The following QTMAN variants were observed in gnomAD, a reference collection of about 807,000 sequenced individuals.
The protein encoded by QTMAN is tRNA-queuosine alpha-mannosyltransferase.
the QTMAN span, among the ~76,000 whole-genome samples, chr2:144,101,895 T>C: frequency 6.6e-6 from 1 of 152,124 alleles, no homozygotes; most frequent in Non-Finnish European, 1.5e-5. Context: ...TTCTAGGACA[T>C]TTGCTTCAGG....
At chr2:144,079,864 G>A in the QTMAN span, among the ~76,000 whole-genome samples, 1 of 151,942 alleles carries the variant, frequency 6.6e-6, no homozygotes, top group African/African-American at 2.4e-5. Context: ...CTAATTTTTA[G>A]GTACATTAAC....
the QTMAN span, among the ~76,000 whole-genome samples, chr2:144,320,097 A>G: frequency 3.9e-5 from 6 of 152,048 alleles, no homozygotes; most frequent in African/African-American, 1.4e-4. Flanking sequence ...AAGAAGACTA[A>G]TATTTTGTGA....
chr2:144,246,101 G>T, the QTMAN span, among the ~76,000 whole-genome samples: 1 of 152,072 alleles, frequency 6.6e-6, no homozygotes, highest in Non-Finnish European at 1.5e-5. Context: ...TCTAATGGGG[G>T]AGACAGGCAT....
the QTMAN span, among the ~76,000 whole-genome samples, chr2:143,981,832 A>G: frequency 1.3e-5 from 2 of 151,690 alleles, no homozygotes; most frequent in African/African-American, 4.8e-5. Context: ...TTGTTGCTAC[A>G]TATGTTGTAT....
the QTMAN span, among the ~76,000 whole-genome samples, chr2:144,111,720 C>G: frequency 6.6e-6 from 1 of 152,214 alleles, no homozygotes; most frequent in East Asian, 1.9e-4. Flanking sequence ...TCTCTCCTGA[C>G]TCTCTTCCAA....
At chr2:144,011,596 A>G in the QTMAN span, 1 of 973,108 alleles carries the variant, frequency 1.0e-6, no homozygotes, top group Admixed American at 6.2e-5. Context: ...ACTATTTATA[A>G]TGTACAGTTA....
At chr2:144,170,603 GCTAT>G in the QTMAN span, among the ~76,000 whole-genome samples, 1 of 152,026 alleles carries the variant, frequency 6.6e-6, no homozygotes, top group Non-Finnish European at 1.5e-5. Flanking sequence ...AAATAAATGG[GCTAT>G]CTGACAGGAA....
At chr2:144,048,819 T>C in the QTMAN span, among the ~76,000 whole-genome samples, 1 of 148,330 alleles carries the variant, frequency 6.7e-6, no homozygotes, top group Non-Finnish European at 1.5e-5. Flanking sequence ...CACACATGCA[T>C]ACACACACAC....
the QTMAN span, among the ~76,000 whole-genome samples, chr2:144,113,513 CAGA>C: frequency 1.3e-5 from 2 of 151,932 alleles, no homozygotes; most frequent in African/African-American, 4.8e-5. Flanking sequence ...CCCAGAAGAA[CAGA>C]AGAAGGTGAT....
chr2:144,288,504 A>T, the QTMAN span, among the ~76,000 whole-genome samples: 12 of 152,222 alleles, frequency 7.9e-5, no homozygotes, highest in African/African-American at 2.9e-4. Context: ...TGAAAACACT[A>T]AAAACGTTAA....
chr2:144,057,309 C>T, the QTMAN span, among the ~76,000 whole-genome samples: 1 of 152,178 alleles, frequency 6.6e-6, no homozygotes, highest in Admixed American at 6.5e-5. Context: ...TCCATTTATT[C>T]ATCCATTATA....
chr2:144,295,261 G>A, the QTMAN span: 8 of 152,164 alleles, frequency 5.3e-5, no homozygotes, highest in Non-Finnish European at 1.2e-4. Flanking sequence ...CTTCCTAAGG[G>A]AAGCCTTTCC....
the QTMAN span, among the ~76,000 whole-genome samples, chr2:144,169,855 AAAAGT>A: frequency 6.6e-6 from 1 of 152,040 alleles, no homozygotes; most frequent in African/African-American, 2.4e-5. Context: ...TCCTTCTTAT[AAAAGT>A]AATGTATTTT....
chr2:144,044,653 T>C, the QTMAN span, among the ~76,000 whole-genome samples: 2 of 152,204 alleles, frequency 1.3e-5, no homozygotes, highest in Admixed American at 1.3e-4. Context: ...TCTAAGTATG[T>C]AAAGTAATTC....
At chr2:144,303,703 A>C in the QTMAN span, among the ~76,000 whole-genome samples, 3 of 152,252 alleles carry the variant, frequency 2.0e-5, no homozygotes, top group African/African-American at 7.2e-5. Context: ...GCTTTGATTA[A>C]CTAGCACCAG....
the QTMAN span, among the ~76,000 whole-genome samples, chr2:144,104,036 G>A: frequency 6.6e-6 from 1 of 152,182 alleles, no homozygotes; most frequent in Non-Finnish European, 1.5e-5. Flanking sequence ...GTTGCAGTGA[G>A]CCAAGACAGC....
At chr2:144,170,303 T>C in the QTMAN span, among the ~76,000 whole-genome samples, 1 of 152,174 alleles carries the variant, frequency 6.6e-6, no homozygotes, top group African/African-American at 2.4e-5. Context: ...CCTGCCACAG[T>C]GTCCTGGATG....
At chr2:144,084,014 A>C in the QTMAN span, among the ~76,000 whole-genome samples, 1 of 152,200 alleles carries the variant, frequency 6.6e-6, no homozygotes, top group Admixed American at 6.5e-5. Flanking sequence ...GTGAAGAGAA[A>C]TATTTCTCAA....
the QTMAN span, among the ~76,000 whole-genome samples, chr2:144,316,190 T>C: frequency 6.6e-6 from 1 of 151,712 alleles, no homozygotes; most frequent in Non-Finnish European, 1.5e-5. Context: ...CAGTAAGCCA[T>C]GTTCACATCA....
Sources: allele counts gnomAD v4.1 joint callset (sites outside exome capture counted in the v4.1 genomes callset), GRCh38; gene constraint gnomAD v4.1.1; transcripts MANE v1.5; gene names NCBI Gene and HGNC (gene_info 2026-07-23, HGNC 2026-07-21).